ACLY: variants seen among roughly 807,000 people sequenced by gnomAD.
The protein encoded by ACLY is ATP citrate lyase, also known as ATP-citrate synthase.
ACLY carries 41 observed loss-of-function variants against 133.0 expected under a neutral mutation model. The ratio of observed to expected loss-of-function variants is 0.31; its 90% confidence interval spans 0.24 to 0.40. The LOEUF (loss-of-function observed/expected upper bound fraction) is 0.40. ACLY is among the 10% of genes least tolerant of loss of function. ACLY has a pLI of 1.00. For synonymous variants in ACLY, 495 were observed against 549.3 expected (o/e 0.90, Z 1.38); for missense variants, 1,046 against 1,453.8 (o/e 0.72, Z 4.56).
intron 17 of ACLY, among the ~76,000 whole-genome samples, chr17:41,886,525 A>G (rs1363048092): frequency 6.6e-6 from 1 of 152,234 alleles, no homozygotes; most frequent in African/African-American, 2.4e-5. Flanking sequence ...TTTGTAAAGC[A>G]TGGCTCACTA....
intron 21 of ACLY, 101 bp downstream of exon 21, chr17:41,878,696 G>T (rs550130995): frequency 1.4e-6 from 2 of 1,443,240 alleles, no homozygotes; most frequent in Admixed American, 1.9e-5. Flanking sequence ...GACACCGAGA[G>T]GGACCAGGAA....
chr17:41,874,490 CTT>C (rs1555625660), intron 22 of ACLY, among the ~76,000 whole-genome samples: 2 of 151,942 alleles, frequency 1.3e-5, no homozygotes, highest in African/African-American at 4.8e-5. Flanking sequence ...CCAGGCTGGT[CTT>C]AAACTCTTGT....
chr17:41,920,149 A>G (rs1403447232), upstream of ACLY, among the ~76,000 whole-genome samples: 4 of 151,428 alleles, frequency 2.6e-5, no homozygotes, highest in Non-Finnish European at 5.9e-5. Flanking sequence ...CTTCTCCAAG[A>G]CCCCCTCCCC....
At chr17:41,913,620 C>T in intron 2 of ACLY, 95 bp downstream of exon 2, 2 of 1,382,220 alleles carry the variant, frequency 1.4e-6, no homozygotes, top group South Asian at 2.6e-5. Context: ...AGCCTCCAAC[C>T]CCATGACCCT....
chr17:41,871,509 C>T (rs1420461247), intron 25 of ACLY, among the ~76,000 whole-genome samples, 180 bp downstream of exon 25: 2 of 152,090 alleles, frequency 1.3e-5, no homozygotes, highest in Non-Finnish European at 2.9e-5. Context: ...TGCACCACCA[C>T]GCCTGGCTAA....
intron 25 of ACLY, among the ~76,000 whole-genome samples, chr17:41,871,214 C>T (rs1464324218): frequency 6.6e-6 from 1 of 152,216 alleles, no homozygotes; most frequent in African/African-American, 2.4e-5. Flanking sequence ...TGTATTATAA[C>T]ATGGAAAAAA....
chr17:41,877,085 C>T (rs1358723825), intron 22 of ACLY, among the ~76,000 whole-genome samples: 1 of 151,954 alleles, frequency 6.6e-6, no homozygotes, highest in Admixed American at 6.6e-5. Context: ...TTTTAAAATG[C>T]TTTACAGTTA....
chr17:41,910,351 G>A (rs1276934823), intron 3 of ACLY, 67 bp from the exon 4 acceptor site: 27 of 1,421,160 alleles, frequency 1.9e-5, no homozygotes, highest in Non-Finnish European at 2.6e-5. Flanking sequence ...GCAGAAGGAG[G>A]GACTGCACAG....
At chr17:41,892,918 G>A (rs4796735) in intron 15 of ACLY, 115 bp downstream of exon 15, 1,222,690 of 1,336,684 alleles carry the variant, frequency 0.91, 560,297 homozygotes, top group East Asian at 1. Flanking sequence ...GGCTCAAGCA[G>A]TTCTCCCACC....
chr17:41,880,878 A>C (rs1363343992), intron 20 of ACLY, among the ~76,000 whole-genome samples: 18 of 151,704 alleles, frequency 1.2e-4, no homozygotes, highest in East Asian at 3.9e-4. Context: ...AAAAAAAAAA[A>C]CACAAAAACC....
At chr17:41,892,498 G>A in intron 15 of ACLY, 51 bp from the exon 16 acceptor site, 1 of 1,547,832 alleles carries the variant, frequency 6.5e-7, no homozygotes, top group Non-Finnish European at 8.8e-7. Flanking sequence ...GTCAGGACTG[G>A]GGAAGGGGAA....
intron 24 of ACLY, 34 bp downstream of exon 24, chr17:41,871,998 C>T: frequency 2.5e-6 from 4 of 1,611,740 alleles, no homozygotes; most frequent in Non-Finnish European, 3.4e-6. Flanking sequence ...GCCCAGTGTC[C>T]CCACTGTTCA....
intron 1 of ACLY, among the ~76,000 whole-genome samples, chr17:41,924,126 T>G: frequency 6.7e-6 from 1 of 148,560 alleles, no homozygotes; most frequent in Non-Finnish European, 1.5e-5. Context: ...ACTATTTTTT[T>G]CTTTTTATTT....
chr17:41,881,609 A>G (rs1162591671), intron 20 of ACLY, among the ~76,000 whole-genome samples: 2 of 152,116 alleles, frequency 1.3e-5, no homozygotes, highest in Non-Finnish European at 2.9e-5. Context: ...AACAGTTACC[A>G]AGAGGCTAAA....
At chr17:41,897,986 C>T (rs2049421627) in intron 12 of ACLY, 147 bp from the exon 13 acceptor site, 1 of 682,288 alleles carries the variant, frequency 1.5e-6, no homozygotes, top group South Asian at 2.1e-5. Flanking sequence ...TACTAATAAT[C>T]CTCTAAGATA....
intron 25 of ACLY, among the ~76,000 whole-genome samples, chr17:41,870,988 T>G (rs1555624938): frequency 6.6e-6 from 1 of 152,178 alleles, no homozygotes; most frequent in East Asian, 1.9e-4. Context: ...GACATAAACC[T>G]TTGCTGTGGT....
chr17:41,875,327 G>C (rs2048706791), intron 22 of ACLY, among the ~76,000 whole-genome samples: 1 of 128,458 alleles, frequency 7.8e-6, no homozygotes, highest in Non-Finnish European at 1.6e-5. Flanking sequence ...TCCAGCTTCA[G>C]CAACAAAAGT....
intron 10 of ACLY, among the ~76,000 whole-genome samples, chr17:41,902,399 A>G (rs558512034): frequency 3.5e-4 from 53 of 152,300 alleles, no homozygotes; most frequent in Non-Finnish European, 5.6e-4. Flanking sequence ...TTTTTAGTAG[A>G]TATGAGGCTT....
intron 10 of ACLY, 67 bp from the exon 11 acceptor site, chr17:41,901,880 TAAAC>T (rs2049550992): frequency 2.4e-6 from 3 of 1,227,766 alleles, no homozygotes; most frequent in South Asian, 2.9e-5. Flanking sequence ...ATAACCGTGA[TAAAC>T]AAACATACCA....
Sources: gnomAD v4.1 joint callset for allele counts (sites outside exome capture counted in the v4.1 genomes callset) on GRCh38, gnomAD v4.1.1 for gene constraint, MANE v1.5 for transcripts, NCBI Gene and HGNC (gene_info 2026-07-23, HGNC 2026-07-21) for gene names.